The following SHROOM3 variants were observed in gnomAD, a reference collection of about 807,000 sequenced individuals.
The protein encoded by SHROOM3 is shroom family member 3.
Under a neutral mutation model 138.6 loss-of-function variants are expected in SHROOM3, and 47 were observed. That is an observed-to-expected ratio of 0.34 (90% CI 0.27 to 0.43). The LOEUF (loss-of-function observed/expected upper bound fraction) is 0.43, where lower values mean the gene tolerates loss of function less well. Ranked by LOEUF, SHROOM3 falls within the 20% of genes least tolerant of loss-of-function variation. SHROOM3 has a pLI of 1.00. For missense variants in SHROOM3, 2,491 were observed against 2,596.5 expected (o/e 0.96, Z 0.88); for synonymous variants, 1,062 against 1,063.3 (o/e 1.00, Z 0.02).
At chr4:76,526,640 G>A (rs1272154970) in intron 1 of SHROOM3, among the ~76,000 whole-genome samples, 4 of 152,170 alleles carry the variant, frequency 2.6e-5, no homozygotes, top group African/African-American at 7.2e-5. Context: ...CTTCCCTAAC[G>A]TACTGAGAGT....
intron 2 of SHROOM3, among the ~76,000 whole-genome samples, chr4:76,592,092 A>T (rs1734285544): frequency 6.6e-6 from 1 of 152,194 alleles, no homozygotes; most frequent in African/African-American, 2.4e-5. Context: ...TGCTAAGAAG[A>T]TGATATTTAA....
intron 1 of SHROOM3, among the ~76,000 whole-genome samples, chr4:76,515,890 T>C (rs1336678401): frequency 6.6e-6 from 1 of 152,194 alleles, no homozygotes; most frequent in East Asian, 1.9e-4. Flanking sequence ...ATAATTAATT[T>C]GAGATATTAG....
intron 1 of SHROOM3, among the ~76,000 whole-genome samples, chr4:76,490,319 C>T (rs1042274319): frequency 9.2e-5 from 14 of 152,148 alleles, no homozygotes; most frequent in Admixed American, 5.9e-4. Flanking sequence ...AAGACTTGAC[C>T]GGCAATCAGT....
intron 2 of SHROOM3, among the ~76,000 whole-genome samples, chr4:76,635,761 C>T (rs148976218): frequency 5.9e-5 from 9 of 152,268 alleles, no homozygotes; most frequent in African/African-American, 1.7e-4. Flanking sequence ...AGAGAAACTC[C>T]GTAGTTCCTT....
At chr4:76,643,000 A>G (rs1485225304) in intron 2 of SHROOM3, among the ~76,000 whole-genome samples, 1 of 152,078 alleles carries the variant, frequency 6.6e-6, no homozygotes, top group Non-Finnish European at 1.5e-5. Flanking sequence ...TGAGGTAGGG[A>G]GTTCAAGACC....
At chr4:76,635,055 C>T (rs1283711884) in intron 2 of SHROOM3, among the ~76,000 whole-genome samples, 3 of 152,024 alleles carry the variant, frequency 2.0e-5, no homozygotes, top group Admixed American at 1.3e-4. Context: ...CAGAAGAGAA[C>T]GGGGGGAGAT....
intron 1 of SHROOM3, among the ~76,000 whole-genome samples, chr4:76,468,144 T>C (rs903269048): frequency 1.3e-5 from 2 of 152,224 alleles, no homozygotes; most frequent in African/African-American, 2.4e-5. Context: ...TCAGAAGGGC[T>C]GGAACTAATT....
At position 76,781,896 on chromosome 4, in the gene SHROOM3, T is replaced by C. The variant is rs1188745581; in HGVS notation, c.*2719T>C. 6.6e-6 allele frequency: 1 copy of C among 152,234 alleles called. No homozygotes were observed. Among genetic ancestry groups the C allele is most frequent in the Non-Finnish European group, 1.5e-5 (1 of 68,042 alleles). 9.4% of individuals were successfully genotyped at this position (152,234 alleles called of 1,614,324 possible). ...AGAATACGCGTGATGTCACTGAGAA[T>C]GTTTGCTCACAGTCAATAATTGTCT... On this transcript the variant is annotated 3_prime_UTR_variant, in exon 11 of 11. Coordinates refer to ENST00000296043, the MANE Select transcript of SHROOM3 (RefSeq NM_020859.4).
In SHROOM3 at chr4:76,676,787, C is replaced by T. The variant is rs984230986; in HGVS notation, c.324-33369C>T. ...TGAAACCCTGTCTCTACTAAAAATA[C>T]AAAAAATTAGCCGGACATGATGGCC... On this transcript the variant is annotated intron_variant, in intron 2 of 10. Transcript: ENST00000296043. Among the ~76,000 whole-genome samples, 5 of 151,714 alleles carry T rather than the reference C, an allele frequency of 3.3e-5. 1 individual carries two copies. The South Asian group carries it at 8.3e-4, about 25-fold the overall frequency.
intron 10 of SHROOM3, among the ~76,000 whole-genome samples, chr4:76,775,741 C>T (rs1208136125): frequency 1.3e-5 from 2 of 150,466 alleles, no homozygotes; most frequent in Non-Finnish European, 3.0e-5. Flanking sequence ...TATACACATA[C>T]TATATATATA....
intron 1 of SHROOM3, among the ~76,000 whole-genome samples, chr4:76,477,667 T>C (rs1731515845): frequency 6.6e-6 from 1 of 152,126 alleles, no homozygotes; most frequent in African/African-American, 2.4e-5. Context: ...GAACAGATGA[T>C]GTGATTTTGT....
chr4:76,710,392 A>G lies in SHROOM3; in HGVS notation c.455+105A>G, dbSNP rs576796132. Reference sequence around the variant, plus strand: ...TCGGGGGCAAGGATGGTCAGGATACAGGCTGTTGAGAGAGAGGTAAGAGGC... The same window carrying G: ...TCGGGGGCAAGGATGGTCAGGATACGGGCTGTTGAGAGAGAGGTAAGAGGC... On this transcript the variant is annotated intron_variant, in intron 3 of 10. Coordinates refer to ENST00000296043, the MANE Select transcript of SHROOM3 (RefSeq NM_020859.4). 9.4e-6 allele frequency: 13 copies of G among 1,388,710 alleles called. No homozygotes were observed. In the African/African-American group the frequency reaches 1.7e-4, roughly 18 times the overall value. 86.0% of individuals were successfully genotyped at this position (1,388,710 alleles called of 1,614,324 possible). A position where few individuals can be genotyped will look rare whatever the true frequency, so the allele number is the denominator to read the frequency against.
At chr4:76,676,668 A>T (rs1007776456) in intron 2 of SHROOM3, among the ~76,000 whole-genome samples, 20 of 152,168 alleles carry the variant, frequency 1.3e-4, no homozygotes, top group African/African-American at 4.3e-4. Flanking sequence ...GAGGGAAACC[A>T]GGGCATGCTT....
intron 1 of SHROOM3, among the ~76,000 whole-genome samples, chr4:76,530,904 T>C (rs1732815812): frequency 2.0e-5 from 3 of 152,186 alleles, no homozygotes; most frequent in African/African-American, 7.2e-5. Flanking sequence ...AGCTTTTCAG[T>C]GGACTCAGAT....
intron 1 of SHROOM3, among the ~76,000 whole-genome samples, chr4:76,452,781 G>A (rs567054846): frequency 5.3e-5 from 8 of 152,110 alleles, no homozygotes; most frequent in Non-Finnish European, 1.2e-4. Context: ...GCAATGGCAC[G>A]ATCTCAGCTC....
intron 1 of SHROOM3, among the ~76,000 whole-genome samples, chr4:76,537,261 G>A (rs1311079038): frequency 6.6e-6 from 1 of 152,170 alleles, no homozygotes; most frequent in Non-Finnish European, 1.5e-5. Flanking sequence ...AAATCTCAAG[G>A]AAGCCAGGGT....
At chr4:76,528,544 C>CTTTTTTTTTTTTTTTTTT (rs146962643) in intron 1 of SHROOM3, among the ~76,000 whole-genome samples, 2 of 103,452 alleles carry the variant, frequency 1.9e-5, no homozygotes, top group African/African-American at 4.5e-5. Context: ...ATCTTTCTTT[C>CTTTTTTTTTTTTTTTTTT]TTTCTTTTTT....
At chr4:76,520,656 T>C (rs1364362610) in intron 1 of SHROOM3, among the ~76,000 whole-genome samples, 1 of 152,194 alleles carries the variant, frequency 6.6e-6, no homozygotes, top group African/African-American at 2.4e-5. Flanking sequence ...CTGAGTGTGA[T>C]CCAGGTTGTC....
intron 2 of SHROOM3, among the ~76,000 whole-genome samples, chr4:76,595,825 T>C (rs1209884083): frequency 6.6e-6 from 1 of 152,188 alleles, no homozygotes; most frequent in Non-Finnish European, 1.5e-5. Context: ...TAAACAATTA[T>C]GAGGGCCTGT....
Sources: allele counts gnomAD v4.1 joint callset (sites outside exome capture counted in the v4.1 genomes callset), GRCh38; gene constraint gnomAD v4.1.1; transcripts MANE v1.5; gene names NCBI Gene and HGNC (gene_info 2026-07-23, HGNC 2026-07-21).